The following HMGCLL1 variants were observed in gnomAD, a reference collection of about 807,000 sequenced individuals.
The protein encoded by HMGCLL1 is 3-hydroxymethyl-3-methylglutaryl-CoA lyase, cytoplasmic.
Under a neutral mutation model 39.1 loss-of-function variants are expected in HMGCLL1, and 36 were observed. That is an observed-to-expected ratio of 0.92 (90% CI 0.71 to 1.22). The LOEUF (loss-of-function observed/expected upper bound fraction) is 1.22. Ranked by LOEUF, HMGCLL1 falls within the 50% of genes most tolerant of loss-of-function variation. HMGCLL1 has a pLI of 0.00. For synonymous variants in HMGCLL1, 149 were observed against 144.0 expected, an observed-to-expected ratio of 1.03 and a Z score of -0.25; for missense variants, 451 against 416.5, an observed-to-expected ratio of 1.08 and a Z score of -0.72.
At chr6:55,650,111 AT>A in the HMGCLL1 span, among the ~76,000 whole-genome samples, 1 of 75,352 alleles carries the variant, frequency 1.3e-5, no homozygotes, top group Admixed American at 1.5e-4. Flanking sequence ...ATATATATAT[AT>A]ATATATATAT....
At chr6:55,518,553 C>A (rs375514183) in intron 3 of HMGCLL1, among the ~76,000 whole-genome samples, 1 of 152,246 alleles carries the variant, frequency 6.6e-6, no homozygotes, top group South Asian at 2.1e-4. Flanking sequence ...TACTATATGA[C>A]TTCTGAAGCC....
At chr6:55,658,907 G>A in the HMGCLL1 span, among the ~76,000 whole-genome samples, 4 of 151,972 alleles carry the variant, frequency 2.6e-5, no homozygotes, top group East Asian at 2.0e-4. Context: ...GACCCAGACT[G>A]GGGCATCAGA....
chr6:55,659,614 A>C, the HMGCLL1 span, among the ~76,000 whole-genome samples: 1 of 151,860 alleles, frequency 6.6e-6, no homozygotes, highest in Non-Finnish European at 1.5e-5. Flanking sequence ...TGTTCAAGAG[A>C]CGTATGTGAA....
chr6:55,637,808 T>G, the HMGCLL1 span, among the ~76,000 whole-genome samples: 1 of 152,014 alleles, frequency 6.6e-6, no homozygotes, highest in Non-Finnish European at 1.5e-5. Flanking sequence ...GATACATGTA[T>G]GTACAGCATA....
rs1767968228 is a variant in HMGCLL1, at chr6:55,520,243, T to TAAA, written c.298-3641_298-3640insTTT. Among the ~76,000 whole-genome samples the TAAA allele has an allele frequency of 7.7e-5, 6 of 78,002 alleles. No homozygotes were observed. In the Admixed American group the frequency reaches 7.7e-4, roughly 10 times the overall value. The allele number at this position is 78,002 out of a possible 152,430, so 51.2% of individuals were successfully genotyped here. ...CACATGTACCCCAGATCTTAAAGTA[T>TAAA]AATAATAAATAAATAAATAAATAAA... On this transcript the variant is annotated intron_variant, in intron 3 of 8. Transcript: ENST00000274901.
At chr6:55,455,896 T>C (rs1034690698) in intron 7 of HMGCLL1, among the ~76,000 whole-genome samples, 1 of 152,180 alleles carries the variant, frequency 6.6e-6, no homozygotes, top group Admixed American at 6.5e-5. Context: ...CGTACTGAAG[T>C]TGGTTTGCTC....
chr6:55,596,738 C>A, the HMGCLL1 span, among the ~76,000 whole-genome samples: 2 of 152,244 alleles, frequency 1.3e-5, no homozygotes, highest in South Asian at 4.1e-4. Flanking sequence ...TTAAAACAAA[C>A]TTTTTGTCTC....
At chr6:55,499,601 A>G (rs1036830871) in intron 5 of HMGCLL1, among the ~76,000 whole-genome samples, 11 of 152,048 alleles carry the variant, frequency 7.2e-5, no homozygotes, top group South Asian at 4.1e-4. Context: ...CAAAGCAGAA[A>G]ATACCAGTGA....
the HMGCLL1 span, among the ~76,000 whole-genome samples, chr6:55,617,034 A>T: frequency 6.6e-6 from 1 of 152,042 alleles, no homozygotes; most frequent in African/African-American, 2.4e-5. Flanking sequence ...ATTTTTAAAA[A>T]TTTTTCTTTC....
At chr6:55,436,295 AG>A (rs1309204410) in intron 8 of HMGCLL1, among the ~76,000 whole-genome samples, 1 of 152,036 alleles carries the variant, frequency 6.6e-6, no homozygotes, top group Non-Finnish European at 1.5e-5. Flanking sequence ...TGAAGGAGGT[AG>A]TTGCAAGTGA....
the HMGCLL1 span, among the ~76,000 whole-genome samples, chr6:55,600,923 C>T: frequency 2.6e-5 from 4 of 151,952 alleles, no homozygotes; most frequent in South Asian, 8.3e-4. Flanking sequence ...TATGCAAAAA[C>T]AAGGAACTGT....
chr6:55,620,872 A>G, the HMGCLL1 span, among the ~76,000 whole-genome samples: 7 of 152,132 alleles, frequency 4.6e-5, no homozygotes, highest in Non-Finnish European at 8.8e-5. Flanking sequence ...CCATTTATTG[A>G]TGAAGCTGTC....
chr6:55,438,416 C>T (rs1763456181), intron 8 of HMGCLL1, among the ~76,000 whole-genome samples: 1 of 151,988 alleles, frequency 6.6e-6, no homozygotes, highest in Non-Finnish European at 1.5e-5. Context: ...GACACATAAA[C>T]AAGATAATTA....
the HMGCLL1 span, among the ~76,000 whole-genome samples, chr6:55,609,105 G>T: frequency 1.3e-5 from 2 of 152,192 alleles, no homozygotes; most frequent in Admixed American, 1.3e-4. Context: ...GGGGCCTTGC[G>T]TCCCAATCAC....
chr6:55,506,293 C>T lies in HMGCLL1; in HGVS notation c.543-6994G>A, dbSNP rs77085462. On this transcript the variant is annotated intron_variant, in intron 5 of 8. Transcript: ENST00000274901. Reference sequence around the variant, plus strand: ...CCTTTTTGCTCTATTTGTCTTTCCACTCTAATTGATAAACTACTTCATTTG... The same window carrying T: ...CCTTTTTGCTCTATTTGTCTTTCCATTCTAATTGATAAACTACTTCATTTG... 7.8e-3 allele frequency among the ~76,000 whole-genome samples: 1,184 copies of T among 151,786 alleles called. 40 individuals are homozygous for T. The East Asian group carries it at 0.088, about 11-fold the overall frequency.
chr6:55,657,035 T>A, the HMGCLL1 span, among the ~76,000 whole-genome samples: 1 of 151,894 alleles, frequency 6.6e-6, no homozygotes, highest in Non-Finnish European at 1.5e-5. Context: ...CCCACTTTTT[T>A]ATGGGGGTTT....
At chr6:55,643,197 GCT>G in the HMGCLL1 span, among the ~76,000 whole-genome samples, 1 of 151,986 alleles carries the variant, frequency 6.6e-6, no homozygotes, top group Non-Finnish European at 1.5e-5. Context: ...ACTGTTTTTA[GCT>G]CTTTGATGAA....
intron 1 of HMGCLL1, among the ~76,000 whole-genome samples, chr6:55,559,969 A>T (rs895977797): frequency 3.3e-5 from 5 of 152,182 alleles, no homozygotes; most frequent in African/African-American, 1.2e-4. Context: ...ACTACTTCTT[A>T]TATCATCTAA....
the HMGCLL1 span, among the ~76,000 whole-genome samples, chr6:55,667,828 T>G: frequency 1.3e-5 from 2 of 151,856 alleles, no homozygotes. Flanking sequence ...CCTAGCATAA[T>G]AGATCACATA....
Sources: gnomAD v4.1 joint callset for allele counts (sites outside exome capture counted in the v4.1 genomes callset) on GRCh38, gnomAD v4.1.1 for gene constraint, MANE v1.5 for transcripts, NCBI Gene and HGNC (gene_info 2026-07-23, HGNC 2026-07-21) for gene names.